The following SLCO1A2 variants were observed in gnomAD, a reference collection of about 807,000 sequenced individuals.
SLCO1A2 encodes OATP-1.
SLCO1A2 carries 67 observed loss-of-function variants against 69.0 expected under a neutral mutation model. That is an observed-to-expected ratio of 0.97 (90% CI 0.80 to 1.19). The LOEUF is 1.19. Among genes scored for constraint, SLCO1A2 ranks in the 50% most tolerant of loss-of-function variants. The probability of loss-of-function intolerance (pLI) is 0.00; values close to 1 mark genes in which losing one functional copy is unlikely to be tolerated. For missense variants in SLCO1A2, 787 were observed against 793.7 expected (o/e 0.99, Z 0.10); for synonymous variants, 260 against 265.9 (o/e 0.98, Z 0.22).
At chr12:21,293,889 A>C in intron 11 of SLCO1A2, 56 bp downstream of exon 11, 1 of 1,440,884 alleles carries the variant, frequency 6.9e-7, no homozygotes, top group Non-Finnish European at 9.4e-7. Flanking sequence ...GGCCCAGTTC[A>C]TAGTTGGGAA....
In SLCO1A2 at chr12:21,393,864, T is replaced by C. The variant is rs1425436988; in HGVS notation, c.-190+1042A>G. 3.9e-5 allele frequency among the ~76,000 whole-genome samples: 6 copies of C among 152,344 alleles called. No individual in the cohort carries two copies. The East Asian group carries it at 1.2e-3, about 29-fold the overall frequency. On this transcript the variant is annotated intron_variant, in intron 1 of 15. Coordinates refer to the SLCO1A2 transcript ENST00000307378. ...AGTAATTTTTGATATTGCAACACAA[T>C]TTGAATTTTGACATGTAACTACAGA...
At chr12:21,290,690 C>T (rs1450114339) in intron 12 of SLCO1A2, among the ~76,000 whole-genome samples, 3 of 151,898 alleles carry the variant, frequency 2.0e-5, no homozygotes, top group Admixed American at 6.6e-5. Context: ...AAAGGTAAAG[C>T]GGGAAAGCCA....
chr12:21,313,041 G>A (rs544843921), intron 4 of SLCO1A2, among the ~76,000 whole-genome samples: 7 of 152,158 alleles, frequency 4.6e-5, no homozygotes, highest in African/African-American at 1.7e-4. Flanking sequence ...GAGTGAGATC[G>A]CACCACTACA....
At chr12:21,415,044 T>G (rs1056197048) in intron 1 of SLCO1A2, among the ~76,000 whole-genome samples, 3 of 152,098 alleles carry the variant, frequency 2.0e-5, no homozygotes, top group African/African-American at 7.2e-5. Context: ...TTCTTATCTT[T>G]TTGGTACACA....
chr12:21,351,337 A>C (rs1937938328), intron 2 of SLCO1A2, among the ~76,000 whole-genome samples: 1 of 152,228 alleles, frequency 6.6e-6, no homozygotes, highest in Admixed American at 6.5e-5. Context: ...TGTGGTCTAT[A>C]GTCCACCTGC....
intron 2 of SLCO1A2, among the ~76,000 whole-genome samples, chr12:21,365,210 T>A (rs1393611766): frequency 6.6e-6 from 1 of 152,030 alleles, no homozygotes; most frequent in Non-Finnish European, 1.5e-5. Flanking sequence ...TATAGACCAA[T>A]GGAACAGAAT....
At chr12:21,306,416 C>T (rs1047815069) in intron 5 of SLCO1A2, among the ~76,000 whole-genome samples, 1 of 151,984 alleles carries the variant, frequency 6.6e-6, no homozygotes, top group South Asian at 2.1e-4. Flanking sequence ...ACCTCTGCCA[C>T]CTGGGTTTAA....
At chr12:21,294,152 T>G in intron 10 of SLCO1A2, 42 bp from the exon 11 acceptor site, 1 of 1,412,354 alleles carries the variant, frequency 7.1e-7, no homozygotes, top group South Asian at 1.4e-5. Flanking sequence ...TAAAAGAGGA[T>G]TCAATCCTTT....
At chr12:21,354,367 G>A (rs1434280152) in intron 2 of SLCO1A2, among the ~76,000 whole-genome samples, 2 of 152,082 alleles carry the variant, frequency 1.3e-5, no homozygotes, top group Admixed American at 1.3e-4. Context: ...TGAAGGTATT[G>A]GTATTTCTCC....
intron 2 of SLCO1A2, among the ~76,000 whole-genome samples, chr12:21,369,270 A>C (rs1939614230): frequency 6.6e-6 from 1 of 152,126 alleles, no homozygotes; most frequent in Non-Finnish European, 1.5e-5. Context: ...TGTCATTGTC[A>C]AAGCATGTTA....
Position 21,264,879 on chromosome 12 carries a change from G to GGGGAA in SLCO1A2, c.*4664_*4668dup, listed in dbSNP as rs373829821. On this transcript the variant is annotated 3_prime_UTR_variant, in exon 15 of 15. Transcript: ENST00000683939. ...AGACTGTGAAGTTGTGGCGTCTAGAGGGGAAGGGGCAGAAGTGTGCAGAGG... is the reference window on the plus strand; with the variant it reads ...AGACTGTGAAGTTGTGGCGTCTAGAGGGGAAGGGAAGGGGCAGAAGTGTGCAGAGG... The GGGGAA allele has an allele frequency of 6.6e-6, 1 of 152,510 alleles. No individual in the cohort carries two copies. Among genetic ancestry groups the GGGGAA allele is most frequent in the African/African-American group, 2.4e-5 (1 of 41,564 alleles). The allele number at this position is 152,510 out of a possible 1,614,324, so 9.4% of individuals were successfully genotyped here. A position where few individuals can be genotyped will look rare whatever the true frequency, so the allele number is the denominator to read the frequency against.
At chr12:21,312,294 A>G (rs1017617985) in intron 4 of SLCO1A2, among the ~76,000 whole-genome samples, 3 of 152,188 alleles carry the variant, frequency 2.0e-5, no homozygotes, top group Admixed American at 6.5e-5. Context: ...TGGCTTAAAA[A>G]TTTCCTTCTG....
chr12:21,386,954 G>A (rs769061146), intron 1 of SLCO1A2, among the ~76,000 whole-genome samples: 10 of 152,120 alleles, frequency 6.6e-5, no homozygotes, highest in African/African-American at 9.7e-5. Context: ...TCAAAACACC[G>A]ATAGTGATAT....
At chr12:21,357,032 A>T (rs866616164) in intron 2 of SLCO1A2, among the ~76,000 whole-genome samples, 2 of 152,226 alleles carry the variant, frequency 1.3e-5, no homozygotes, top group South Asian at 4.1e-4. Flanking sequence ...TCACTGAGAA[A>T]GATTTACGAA....
Position 21,294,095 on chromosome 12 carries a change from T to C in SLCO1A2, c.1287A>G (p.Leu429=). Residue 429 remains leucine, a synonymous_variant, in exon 11 of 15, where the codon TTA becomes TTG. Transcript: ENST00000683939. ...CAGCAAAGATGTCATTTTCCACATA[T>C]AAATCTTGTGGAATTCTGAAGTGAT... ...NTSYEGIPQD[L]YVENDIFADC... 1.9e-6 allele frequency: 3 copies of C among 1,594,718 alleles called. No homozygotes were observed. Among genetic ancestry groups the C allele is most frequent in the Non-Finnish European group, 2.6e-6 (3 of 1,171,288 alleles).
intron 2 of SLCO1A2, among the ~76,000 whole-genome samples, chr12:21,319,851 G>T (rs1449904407): frequency 6.6e-6 from 1 of 151,984 alleles, no homozygotes; most frequent in African/African-American, 2.4e-5. Context: ...AGCTACTATG[G>T]TTTTACTGAA....
At chr12:21,306,182 T>C (rs1405442927) in intron 5 of SLCO1A2, among the ~76,000 whole-genome samples, 1 of 152,234 alleles carries the variant, frequency 6.6e-6, no homozygotes, top group East Asian at 1.9e-4. Context: ...AGATCAGTGA[T>C]AGAACACAAA....
intron 2 of SLCO1A2, among the ~76,000 whole-genome samples, chr12:21,341,891 G>C (rs1953081143): frequency 2.0e-5 from 3 of 151,998 alleles, no homozygotes; most frequent in Admixed American, 6.6e-5. Context: ...ATAAAATGAT[G>C]ATTTAAATCA....
At chr12:21,401,654 CTT>C (rs1157244259) in intron 1 of SLCO1A2, among the ~76,000 whole-genome samples, 1 of 150,850 alleles carries the variant, frequency 6.6e-6, no homozygotes, top group Non-Finnish European at 1.5e-5. Flanking sequence ...TTTATTTCTA[CTT>C]TTTTGTTTGA....
Sources: allele counts gnomAD v4.1 joint callset (sites outside exome capture counted in the v4.1 genomes callset), GRCh38; gene constraint gnomAD v4.1.1; transcripts MANE v1.5; gene names NCBI Gene and HGNC (gene_info 2026-07-23, HGNC 2026-07-21).